PCNX2: variants seen among roughly 807,000 people sequenced by gnomAD.
The protein encoded by PCNX2 is pecanex 2, also known as pecanex-like protein 2.
Under a neutral mutation model 223.8 loss-of-function variants are expected in PCNX2, and 168 were observed. That is an observed-to-expected ratio of 0.75 (90% CI 0.66 to 0.85). The LOEUF (loss-of-function observed/expected upper bound fraction) is 0.85, where lower values mean the gene tolerates loss of function less well. Ranked by LOEUF, PCNX2 falls within the 40% of genes least tolerant of loss-of-function variation. The pLI is 0.00. For synonymous variants in PCNX2, 1,006 were observed against 1,052.6 expected, an observed-to-expected ratio of 0.96 and a Z score of 0.86; for missense variants, 2,507 against 2,675.5, an observed-to-expected ratio of 0.94 and a Z score of 1.39.
chr1:233,232,599 A>C (rs1331736233), intron 9 of PCNX2, among the ~76,000 whole-genome samples: 1 of 152,200 alleles, frequency 6.6e-6, no homozygotes, highest in East Asian at 1.9e-4. Flanking sequence ...AATATGTATG[A>C]TGAAAAATAA....
chr1:233,302,096 A>T, the PCNX2 span, among the ~76,000 whole-genome samples: 1 of 152,132 alleles, frequency 6.6e-6, no homozygotes, highest in Non-Finnish European at 1.5e-5. Flanking sequence ...CCCAGCCAAG[A>T]ACAAGCAATT....
In PCNX2 at chr1:233,258,040, C is replaced by T. The variant is rs747773428; in HGVS notation, c.1822G>A (p.Gly608Arg). Reference sequence around the variant, plus strand: ...CATGGAATCGCACCTCGGAGAAGCCCACTTTCTTCATTCTGCTCAGCTGAG... The same window carrying T: ...CATGGAATCGCACCTCGGAGAAGCCTACTTTCTTCATTCTGCTCAGCTGAG... Reference protein sequence around the residue: ...NGSAEQNEESGLLRDNCSQEK... With the variant: ...NGSAEQNEESRLLRDNCSQEK... The change falls in exon 5 of 34, where the codon GGG becomes AGG. Residue 608 changes from glycine (G) to arginine (R), a missense_variant. This residue lies in a region of PCNX2 where 1,031 missense variants were observed against 1,021.7 expected (regional missense o/e 1.01). Coordinates refer to ENST00000258229, the MANE Select transcript of PCNX2 (RefSeq NM_014801.4). 44 of 1,610,800 alleles carry T rather than the reference C, an allele frequency of 2.7e-5. No homozygotes were observed. In the South Asian group the frequency reaches 4.4e-4, roughly 16 times the overall value.
At chr1:233,114,060 T>C (rs1675270582) in intron 21 of PCNX2, among the ~76,000 whole-genome samples, 3 of 152,182 alleles carry the variant, frequency 2.0e-5, no homozygotes, top group Admixed American at 1.3e-4. Flanking sequence ...TAGTGGGAGA[T>C]ACAATAATAT....
chr1:233,182,157 TG>T (rs535016883), intron 15 of PCNX2, among the ~76,000 whole-genome samples: 180 of 152,290 alleles, frequency 1.2e-3, no homozygotes, highest in African/African-American at 4.2e-3. Context: ...ACCTACTCAA[TG>T]GTTGTTGTGA....
intron 21 of PCNX2, among the ~76,000 whole-genome samples, chr1:233,129,189 C>A (rs367694943): frequency 6.6e-6 from 1 of 152,228 alleles, no homozygotes; most frequent in Non-Finnish European, 1.5e-5. Flanking sequence ...TCCGGATGGG[C>A]GTGGGCTTGG....
At chr1:233,230,745 G>T (rs1242449990) in intron 9 of PCNX2, among the ~76,000 whole-genome samples, 3 of 152,188 alleles carry the variant, frequency 2.0e-5, no homozygotes, top group Non-Finnish European at 4.4e-5. Flanking sequence ...ATATGGATTA[G>T]TGTTTATATC....
chr1:233,228,034 T>C (rs1258565100), intron 9 of PCNX2, among the ~76,000 whole-genome samples: 2 of 152,128 alleles, frequency 1.3e-5, no homozygotes, highest in Non-Finnish European at 2.9e-5. Flanking sequence ...TAATGAGGGA[T>C]TCTTAGGAGC....
At chr1:233,208,817 ATTC>A in intron 12 of PCNX2, 128 bp from the exon 13 acceptor site, 1 of 269,076 alleles carries the variant, frequency 3.7e-6, no homozygotes, top group Non-Finnish European at 6.3e-6. Context: ...AAACACCACA[ATTC>A]ATATACAAAA....
At chr1:233,208,826 C>CAAAAAAAAAAAAAAAAAAAAAAAAA (rs71173255) in intron 12 of PCNX2, 137 bp from the exon 13 acceptor site, 4 of 59,524 alleles carry the variant, frequency 6.7e-5, no homozygotes, top group Non-Finnish European at 9.5e-5. Context: ...AATTCATATA[C>CAAAAAAAAAAAAAAAAAAAAAAAAA]AAAAAAAAAA....
intron 25 of PCNX2, among the ~76,000 whole-genome samples, chr1:233,032,803 A>T (rs140327474): frequency 3.7e-4 from 57 of 152,356 alleles, no homozygotes; most frequent in African/African-American, 1.3e-3. Context: ...TTTGCCATGA[A>T]GGATGGCTTA....
intron 21 of PCNX2, among the ~76,000 whole-genome samples, chr1:233,113,244 A>G (rs1675216005): frequency 6.6e-6 from 1 of 152,218 alleles, no homozygotes; most frequent in Admixed American, 6.5e-5. Flanking sequence ...TCACAGCTCT[A>G]CTGGCCCTGT....
Position 233,032,393 on chromosome 1 carries a change from G to A in PCNX2, c.4352-6994C>T, listed in dbSNP as rs185795362. Among the ~76,000 whole-genome samples, 9 of 152,208 alleles carry A rather than the reference G, an allele frequency of 5.9e-5. No individual in the cohort carries two copies. The East Asian group carries it at 7.7e-4, about 13-fold the overall frequency. ...GCTGGGATTACAGGTGTGAGCCACC[G>A]CACCCAGCCGACAGTTTTCAGAAAT... On this transcript the variant is annotated intron_variant, in intron 25 of 33. Transcript: ENST00000258229.
intron 25 of PCNX2, among the ~76,000 whole-genome samples, chr1:233,051,590 C>T (rs1672009126): frequency 6.6e-6 from 1 of 152,118 alleles, no homozygotes. Flanking sequence ...CAAATTAATG[C>T]AGGAATAGAA....
intron 1 of PCNX2, among the ~76,000 whole-genome samples, chr1:233,283,593 A>G (rs1661296261): frequency 6.6e-6 from 1 of 152,216 alleles, no homozygotes; most frequent in South Asian, 2.1e-4. Flanking sequence ...TCATTTGAAC[A>G]TCAAAAAGAA....
chr1:233,119,492 G>T (rs1675632521), intron 21 of PCNX2, among the ~76,000 whole-genome samples: 1 of 147,752 alleles, frequency 6.8e-6, no homozygotes, highest in African/African-American at 2.5e-5. Flanking sequence ...GGCTGAGGAA[G>T]GAGAATGCTG....
chr1:233,252,321 C>T (rs893926512), intron 7 of PCNX2, 33 bp downstream of exon 7: 3 of 1,576,858 alleles, frequency 1.9e-6, no homozygotes, highest in Non-Finnish European at 2.6e-6. Context: ...GTTTTCCCTG[C>T]TTGTTCATTA....
the PCNX2 span, among the ~76,000 whole-genome samples, chr1:233,301,297 G>A: frequency 6.6e-6 from 1 of 152,136 alleles, no homozygotes; most frequent in East Asian, 1.9e-4. Context: ...AATTCATTGA[G>A]TAAAATAGCA....
At chr1:233,142,382 A>G (rs548941319) in intron 19 of PCNX2, among the ~76,000 whole-genome samples, 3 of 152,316 alleles carry the variant, frequency 2.0e-5, no homozygotes, top group African/African-American at 7.2e-5. Context: ...CTCCAACTAC[A>G]AATTCATTTA....
At chr1:232,999,415 A>C (rs1226576327) in intron 30 of PCNX2, 36 bp from the exon 31 acceptor site, 1 of 1,541,958 alleles carries the variant, frequency 6.5e-7, no homozygotes. Context: ...GAAAGGCAGA[A>C]GGCCTGTGTT....
Sources: allele counts gnomAD v4.1 joint callset (sites outside exome capture counted in the v4.1 genomes callset), GRCh38; gene constraint gnomAD v4.1.1; regional missense constraint gnomAD v4.1.1; transcripts MANE v1.5; gene names NCBI Gene and HGNC (gene_info 2026-07-23, HGNC 2026-07-21).